CLASP2: variants seen among roughly 807,000 people sequenced by gnomAD.
CLASP2 encodes cytoplasmic linker associated protein 2, also known as CLIP-associating protein 2.
Under a neutral mutation model 194.4 loss-of-function variants are expected in CLASP2, and 47 were observed. The ratio of observed to expected loss-of-function variants is 0.24; its 90% confidence interval spans 0.19 to 0.31. The LOEUF (loss-of-function observed/expected upper bound fraction) is 0.31. Among genes scored for constraint, CLASP2 ranks in the 10% least tolerant of loss-of-function variants. The pLI is 1.00. For missense variants in CLASP2, 1,445 were observed against 1,823.6 expected, an observed-to-expected ratio of 0.79 and a Z score of 3.78; for synonymous variants, 619 against 633.5, an observed-to-expected ratio of 0.98 and a Z score of 0.34.
At chr3:33,515,986 A>C in intron 36 of CLASP2, 37 bp downstream of exon 36, 1 of 1,564,466 alleles carries the variant, frequency 6.4e-7, no homozygotes, top group Non-Finnish European at 8.6e-7. Flanking sequence ...CATGAAATAA[A>C]ATAATGGAAT....
chr3:33,696,353 C>CATTTTTTTTTTTTTT (rs1413385570), intron 2 of CLASP2, among the ~76,000 whole-genome samples: 1 of 52,728 alleles, frequency 1.9e-5, no homozygotes, highest in Non-Finnish European at 3.3e-5. Context: ...TTCTTTCTTT[C>CATTTTTTTTTTTTTT]TTTTTTTTTT....
At chr3:33,660,609 C>T (rs1346996519) in intron 7 of CLASP2, among the ~76,000 whole-genome samples, 1 of 151,986 alleles carries the variant, frequency 6.6e-6, no homozygotes, top group Non-Finnish European at 1.5e-5. Flanking sequence ...CAAAGACACA[C>T]CAAAAAATTT....
intron 37 of CLASP2, among the ~76,000 whole-genome samples, chr3:33,509,562 T>A (rs2049199386): frequency 6.6e-6 from 1 of 152,206 alleles, no homozygotes; most frequent in Non-Finnish European, 1.5e-5. Context: ...GATATCTAGA[T>A]CTTATGTTAG....
chr3:33,667,944 G>A (rs979357867), intron 6 of CLASP2, among the ~76,000 whole-genome samples: 14 of 152,114 alleles, frequency 9.2e-5, no homozygotes, highest in Admixed American at 3.9e-4. Context: ...ACCTCACTGG[G>A]CGCAGTGGCC....
At chr3:33,601,294 G>A (rs1169903690) in intron 18 of CLASP2, among the ~76,000 whole-genome samples, 3 of 152,028 alleles carry the variant, frequency 2.0e-5, no homozygotes, top group African/African-American at 7.2e-5. Flanking sequence ...TGAAAACAGT[G>A]GGCACTACCC....
intron 34 of CLASP2, among the ~76,000 whole-genome samples, chr3:33,525,545 G>C (rs1249939977): frequency 6.6e-6 from 1 of 152,078 alleles, no homozygotes; most frequent in Non-Finnish European, 1.5e-5. Context: ...GGAAAGCGGT[G>C]AGTGAATATG....
At chr3:33,517,987 G>A (rs1006253828) in intron 34 of CLASP2, among the ~76,000 whole-genome samples, 1 of 152,166 alleles carries the variant, frequency 6.6e-6, no homozygotes, top group Non-Finnish European at 1.5e-5. Flanking sequence ...ACTGATTGTT[G>A]TTGAATCAGT....
At chr3:33,651,140 T>C (rs1347283873) in intron 7 of CLASP2, among the ~76,000 whole-genome samples, 1 of 152,132 alleles carries the variant, frequency 6.6e-6, no homozygotes, top group Non-Finnish European at 1.5e-5. Context: ...CCCAGCACTT[T>C]GGGAGGCCAA....
chr3:33,629,305 T>A (rs2078629949), intron 9 of CLASP2, among the ~76,000 whole-genome samples: 1 of 152,168 alleles, frequency 6.6e-6, no homozygotes, highest in Non-Finnish European at 1.5e-5. Flanking sequence ...ATGAGATTAC[T>A]GATTGTGTAA....
At chr3:33,578,023 G>A (rs1353935028) in intron 23 of CLASP2, among the ~76,000 whole-genome samples, 1 of 152,170 alleles carries the variant, frequency 6.6e-6, no homozygotes, top group Admixed American at 6.5e-5. Context: ...ACTAAGATGA[G>A]GAAGCTAAAG....
rs187279643 is a variant in CLASP2, at chr3:33,617,827, A to C, written c.1317+1776T>G. Among the ~76,000 whole-genome samples the C allele has an allele frequency of 2.0e-3, 299 of 151,612 alleles. 1 individual carries two copies. Among genetic ancestry groups the C allele is most frequent in the African/African-American group, 6.6e-3 (273 of 41,474 alleles). On this transcript the variant is annotated intron_variant, in intron 12 of 38. Coordinates refer to ENST00000682230, the MANE Select transcript of CLASP2 (RefSeq NM_001365631.1). ...TATGAAATAATGGTTATTAAATTAT[A>C]AAATGCCAAAGATACTGATAAAAGA...
rs2045904402 is a variant in CLASP2, at chr3:33,497,176, C to T, written c.*1455G>A. The T allele has an allele frequency of 6.6e-6, 1 of 152,534 alleles. No homozygotes were observed. The highest frequency in any genetic ancestry group is 1.5e-5 in the Non-Finnish European group (1 of 68,010). The allele number at this position is 152,534 out of a possible 1,614,324, so 9.4% of individuals were successfully genotyped here. A position where few individuals can be genotyped will look rare whatever the true frequency, so the allele number is the denominator to read the frequency against. On this transcript the variant is annotated 3_prime_UTR_variant, in exon 39 of 39. Coordinates refer to ENST00000682230, the MANE Select transcript of CLASP2 (RefSeq NM_001365631.1). ...AGAAAGGGGAAAGCCTATGACAAAT[C>T]ATCCATTCAGTACTCTTGTCTTAAA...
chr3:33,529,660 T>C (rs942558047), intron 34 of CLASP2, among the ~76,000 whole-genome samples: 3 of 152,192 alleles, frequency 2.0e-5, no homozygotes, highest in African/African-American at 7.2e-5. Flanking sequence ...TCAACTTCAC[T>C]GTCTTCCACC....
intron 1 of CLASP2, among the ~76,000 whole-genome samples, chr3:33,708,122 A>G (rs181616355): frequency 6.6e-6 from 1 of 152,216 alleles, no homozygotes; most frequent in East Asian, 1.9e-4. Flanking sequence ...AGTACAATAT[A>G]CATTAACTAT....
intron 7 of CLASP2, 61 bp from the exon 8 acceptor site, chr3:33,644,964 A>G: frequency 2.7e-6 from 4 of 1,507,390 alleles, no homozygotes; most frequent in Non-Finnish European, 3.6e-6. Flanking sequence ...TTTTCCCTAA[A>G]GCTCAAAAAT....
intron 29 of CLASP2, among the ~76,000 whole-genome samples, chr3:33,555,508 G>A (rs1192930114): frequency 1.3e-5 from 2 of 151,874 alleles, no homozygotes; most frequent in African/African-American, 2.4e-5. Context: ...TAAGATTACA[G>A]GTGTGCACCA....
intron 21 of CLASP2, among the ~76,000 whole-genome samples, chr3:33,590,739 C>T (rs76083795): frequency 6.6e-6 from 1 of 152,140 alleles, no homozygotes; most frequent in Non-Finnish European, 1.5e-5. Context: ...GTAAGACTTG[C>T]GTAATCACTA....
intron 34 of CLASP2, among the ~76,000 whole-genome samples, chr3:33,525,586 T>C (rs2054317221): frequency 6.6e-6 from 1 of 152,072 alleles, no homozygotes; most frequent in Non-Finnish European, 1.5e-5. Context: ...CTCCCACAGA[T>C]CTCTGCAACC....
chr3:33,651,035 C>A (rs2083095130), intron 7 of CLASP2, among the ~76,000 whole-genome samples: 1 of 152,148 alleles, frequency 6.6e-6, no homozygotes, highest in Admixed American at 6.5e-5. Context: ...ATGATGTGAA[C>A]TGATATGAGG....
Sources: allele counts gnomAD v4.1 joint callset (sites outside exome capture counted in the v4.1 genomes callset), GRCh38; gene constraint gnomAD v4.1.1; transcripts MANE v1.5; gene names NCBI Gene and HGNC (gene_info 2026-07-23, HGNC 2026-07-21).